ADAMTS12: variants seen among roughly 807,000 people sequenced by gnomAD.
ADAMTS12 encodes ADAM metallopeptidase with thrombospondin type 1 motif 12.
A neutral mutation model predicts 167.8 loss-of-function variants in ADAMTS12; 118 were observed. The observed-to-expected ratio is 0.70, with a 90% confidence interval of 0.61 to 0.82. The LOEUF is 0.82. ADAMTS12 is among the 40% of genes least tolerant of loss of function. The pLI, the probability that ADAMTS12 is intolerant of heterozygous loss-of-function variation, is 0.00. For missense variants in ADAMTS12, 1,916 were observed against 1,998.8 expected, an observed-to-expected ratio of 0.96 and a Z score of 0.79; for synonymous variants, 704 against 716.9, an observed-to-expected ratio of 0.98 and a Z score of 0.29.
intron 2 of ADAMTS12, among the ~76,000 whole-genome samples, chr5:33,879,772 T>G (rs960241933): frequency 1.3e-5 from 2 of 152,240 alleles, no homozygotes; most frequent in Non-Finnish European, 2.9e-5. Flanking sequence ...AATGTTTTAC[T>G]GAATTTTCTC....
At chr5:33,545,356 A>ACAAC (rs1419019743) in intron 22 of ADAMTS12, among the ~76,000 whole-genome samples, 1 of 152,150 alleles carries the variant, frequency 6.6e-6, no homozygotes, top group African/African-American at 2.4e-5. Context: ...AAAAGTCAAG[A>ACAAC]AACAACAGAT....
At chr5:33,829,136 C>A (rs1018967941) in intron 2 of ADAMTS12, among the ~76,000 whole-genome samples, 3 of 152,036 alleles carry the variant, frequency 2.0e-5, no homozygotes, top group African/African-American at 7.2e-5. Context: ...ACAGATGGCA[C>A]CTTTCGTCAG....
chr5:33,655,630 T>A (rs1260845216), intron 7 of ADAMTS12, among the ~76,000 whole-genome samples: 1 of 146,290 alleles, frequency 6.8e-6, no homozygotes. Context: ...GTTTTATTTA[T>A]TTAATTTAAT....
chr5:33,704,642 C>G (rs1445265338), intron 3 of ADAMTS12, among the ~76,000 whole-genome samples: 1 of 152,090 alleles, frequency 6.6e-6, no homozygotes, highest in Non-Finnish European at 1.5e-5. Flanking sequence ...CATTTATATG[C>G]CTTCTTTGAA....
intron 1 of ADAMTS12, 186 bp downstream of exon 1, chr5:33,891,544 C>A: frequency 1.3e-6 from 1 of 753,660 alleles, no homozygotes; most frequent in Non-Finnish European, 2.1e-6. Flanking sequence ...AAGGACTCAT[C>A]ACCTTAAGCA....
At chr5:33,595,865 C>G (rs1176740965) in intron 17 of ADAMTS12, 69 bp downstream of exon 17, 1 of 1,587,622 alleles carries the variant, frequency 6.3e-7, no homozygotes. Flanking sequence ...TCAGCAAGCA[C>G]TAGGTCACTC....
At chr5:33,869,545 G>C (rs1388513613) in intron 2 of ADAMTS12, among the ~76,000 whole-genome samples, 1 of 152,110 alleles carries the variant, frequency 6.6e-6, no homozygotes, top group African/African-American at 2.4e-5. Flanking sequence ...GTCCAGGGGA[G>C]ACATCACATG....
rs780851863 is a variant in ADAMTS12, at chr5:33,549,203, C to T, written c.4302+4G>A. 3.1e-6 allele frequency: 5 copies of T among 1,611,756 alleles called. No individual in the cohort carries two copies. The African/African-American group carries it at 4.0e-5, about 13-fold the overall frequency. ...GGACATCTCTCCCTTTGTGGGGGAC[C>T]TACCTGGCTCCAAGGCTCCACCTGC... On this transcript the variant is annotated splice_donor_region_variant and intron_variant, in intron 21 of 23. Transcript: ENST00000504830.
At chr5:33,728,817 CTCA>C (rs1342811848) in intron 3 of ADAMTS12, among the ~76,000 whole-genome samples, 1 of 152,238 alleles carries the variant, frequency 6.6e-6, no homozygotes, top group African/African-American at 2.4e-5. Flanking sequence ...TATGGTTGAA[CTCA>C]TCATTTCACC....
chr5:33,627,958 A>T (rs938416209), intron 13 of ADAMTS12, among the ~76,000 whole-genome samples: 4 of 150,930 alleles, frequency 2.7e-5, no homozygotes, highest in African/African-American at 9.8e-5. Flanking sequence ...GGACACATGC[A>T]TAACGTTGAA....
Position 33,624,365 on chromosome 5 carries a change from A to T in ADAMTS12, c.2023-14T>A. On this transcript the variant is annotated splice_polypyrimidine_tract_variant and intron_variant, in intron 13 of 23. Transcript: ENST00000504830. ...ACAGCCAACCATCTGTGGGGAAGAG[A>T]GGTGGAGGATGAATGCCCAGGCAGG... 6.2e-7 allele frequency: 1 copy of T among 1,613,616 alleles called. No homozygotes were observed. The highest frequency in any genetic ancestry group is 8.5e-7 in the Non-Finnish European group (1 of 1,179,756).
At position 33,576,551 on chromosome 5, in the gene ADAMTS12, A is replaced by C. The variant is rs758598069; in HGVS notation, c.3475T>G (p.Ser1159Ala). ...TCAGGCTGTTCTCTTTCTTCCCCTG[A>C]GCCACTGTGAATCTCCATTTCTGGA... is the stretch of plus-strand genomic sequence containing the variant. ...KGPEMEIHSG[S>A]GEEREQPEDK... Residue 1159 changes from serine to alanine, a missense_variant, in exon 19 of 24, where the codon TCA becomes GCA. Coordinates refer to ENST00000504830, the MANE Select transcript of ADAMTS12 (RefSeq NM_030955.4). 1.2e-6 allele frequency: 2 copies of C among 1,614,058 alleles called. No homozygotes were observed. The highest frequency in any genetic ancestry group is 1.7e-6 in the Non-Finnish European group (2 of 1,179,964).
chr5:33,631,232 C>A (rs1040275311), intron 12 of ADAMTS12, among the ~76,000 whole-genome samples: 1 of 152,164 alleles, frequency 6.6e-6, no homozygotes, highest in Non-Finnish European at 1.5e-5. Flanking sequence ...AAAAATAAGG[C>A]ACTGGGCATC....
chr5:33,728,985 T>C (rs1265655298), intron 3 of ADAMTS12, among the ~76,000 whole-genome samples: 3 of 152,258 alleles, frequency 2.0e-5, no homozygotes, highest in African/African-American at 7.2e-5. Flanking sequence ...TACATATATG[T>C]GTATATGTAC....
At chr5:33,886,666 T>A (rs1489012095) in intron 1 of ADAMTS12, among the ~76,000 whole-genome samples, 1 of 152,156 alleles carries the variant, frequency 6.6e-6, no homozygotes, top group Non-Finnish European at 1.5e-5. Context: ...ACTTAGTAAT[T>A]GCCTCTTTGT....
intron 3 of ADAMTS12, 141 bp from the exon 4 acceptor site, chr5:33,684,196 T>C: frequency 1.9e-6 from 1 of 531,558 alleles, no homozygotes; most frequent in Non-Finnish European, 2.9e-6. Context: ...ATAACCAAAA[T>C]AGACCAATTT....
Position 33,852,128 on chromosome 5 carries a change from T to C in ADAMTS12, c.489+28991A>G, listed in dbSNP as rs990491940. 2.6e-5 allele frequency among the ~76,000 whole-genome samples: 4 copies of C among 151,420 alleles called. No individual in the cohort carries two copies. In the East Asian group the frequency reaches 7.7e-4, roughly 29 times the overall value. ...CAACAACAACAACAAAACCAAATTG[T>C]AAAAACAACTAAAACAAAGACCAAG... On this transcript the variant is annotated intron_variant, in intron 2 of 23. Coordinates refer to ENST00000504830, the MANE Select transcript of ADAMTS12 (RefSeq NM_030955.4).
chr5:33,828,421 A>T (rs2112514557), intron 2 of ADAMTS12, among the ~76,000 whole-genome samples: 1 of 151,976 alleles, frequency 6.6e-6, no homozygotes, highest in East Asian at 1.9e-4. Flanking sequence ...TAGACACCAA[A>T]CTCTTCAGGT....
chr5:33,706,719 C>A (rs1743214193), intron 3 of ADAMTS12, among the ~76,000 whole-genome samples: 1 of 152,112 alleles, frequency 6.6e-6, no homozygotes, highest in Admixed American at 6.5e-5. Flanking sequence ...TTTATCTCAA[C>A]AGATACAGAA....
Sources: gnomAD v4.1 joint callset for allele counts (sites outside exome capture counted in the v4.1 genomes callset) on GRCh38, gnomAD v4.1.1 for gene constraint, MANE v1.5 for transcripts, NCBI Gene and HGNC (gene_info 2026-07-23, HGNC 2026-07-21) for gene names.